TRAK2: variants seen among roughly 807,000 people sequenced by gnomAD.
TRAK2 encodes the protein trafficking kinesin protein 2.
A neutral mutation model predicts 104.6 loss-of-function variants in TRAK2; 81 were observed. That is an observed-to-expected ratio of 0.77 (90% CI 0.65 to 0.93). The LOEUF (loss-of-function observed/expected upper bound fraction) is 0.93, where lower values mean the gene tolerates loss of function less well. Among genes scored for constraint, TRAK2 ranks in the 40% least tolerant of loss-of-function variants. The pLI, the probability that TRAK2 is intolerant of heterozygous loss-of-function variation, is 0.00. For synonymous variants in TRAK2, 406 were observed against 394.4 expected (o/e 1.03, Z -0.35); for missense variants, 1,002 against 1,089.0 (o/e 0.92, Z 1.12).
intron 1 of TRAK2, among the ~76,000 whole-genome samples, chr2:201,425,714 CT>C (rs200294169): frequency 8.8e-5 from 9 of 102,144 alleles, no homozygotes; most frequent in Non-Finnish European, 1.1e-4. Flanking sequence ...GAAAGCATTG[CT>C]TTTTTTTTTT....
chr2:201,435,360 G>A (rs1177701022), intron 1 of TRAK2, among the ~76,000 whole-genome samples: 1 of 152,156 alleles, frequency 6.6e-6, no homozygotes, highest in Admixed American at 6.5e-5. Context: ...GCCTGGCCTT[G>A]ATTTATTTCT....
chr2:201,411,015 A>G, intron 2 of TRAK2: 1 of 1,374,402 alleles, frequency 7.3e-7, no homozygotes, highest in South Asian at 1.2e-5. Flanking sequence ...ATTGACATTT[A>G]GGCCATTTGT....
At chr2:201,411,024 GT>G in intron 2 of TRAK2, 1 of 1,349,638 alleles carries the variant, frequency 7.4e-7, no homozygotes, top group Admixed American at 1.7e-5. Flanking sequence ...TAGGCCATTT[GT>G]CAAATTTCTC....
intron 2 of TRAK2, chr2:201,411,090 G>T: frequency 9.0e-7 from 1 of 1,114,622 alleles, no homozygotes; most frequent in Non-Finnish European, 1.4e-6. Context: ...GGAAGGAACA[G>T]AAGTGAACGT....
chr2:201,407,060 CA>C (rs1268195931), intron 3 of TRAK2, among the ~76,000 whole-genome samples: 1 of 152,096 alleles, frequency 6.6e-6, no homozygotes, highest in Non-Finnish European at 1.5e-5. Context: ...CTTAGGATAA[CA>C]AACTACTGGG....
chr2:201,407,600 A>G lies in TRAK2; in HGVS notation c.92-3T>C. The G allele has an allele frequency of 2.5e-6, 4 of 1,610,352 alleles. No homozygotes were observed. The highest frequency in any genetic ancestry group is 8.5e-7 in the Non-Finnish European group (1 of 1,178,636). The stretch of plus-strand genomic sequence containing the variant: ...GAGATCCTCATTGGAGCAGACATCT[A>G]AAGAGGAGAGTCTATGTAAATGAAT... On this transcript the variant is annotated splice_region_variant and splice_polypyrimidine_tract_variant and intron_variant, in intron 2 of 15. Coordinates refer to ENST00000332624, the MANE Select transcript of TRAK2 (RefSeq NM_015049.3).
chr2:201,413,475 A>G (rs913980492), intron 2 of TRAK2, among the ~76,000 whole-genome samples: 2 of 152,016 alleles, frequency 1.3e-5, no homozygotes, highest in African/African-American at 4.8e-5. Context: ...TTGGGGACGA[A>G]GACTAAGGGA....
rs139464144 is a variant in TRAK2, at chr2:201,413,981, A to C, written c.92-6384T>G. 9.8e-5 allele frequency among the ~76,000 whole-genome samples: 15 copies of C among 152,352 alleles called. No homozygotes were observed. In the East Asian group the frequency reaches 2.9e-3, roughly 29 times the overall value. On this transcript the variant is annotated intron_variant, in intron 2 of 15. Coordinates refer to ENST00000332624, the MANE Select transcript of TRAK2 (RefSeq NM_015049.3). ...ATCTGACTCCTCTACTAATTGTTAGACACACGATTCATCCTTTCAGAGCCT... is the reference window on the plus strand; with the variant it reads ...ATCTGACTCCTCTACTAATTGTTAGCCACACGATTCATCCTTTCAGAGCCT...
intron 1 of TRAK2, among the ~76,000 whole-genome samples, chr2:201,439,154 T>C (rs906729587): frequency 1.3e-5 from 2 of 152,150 alleles, no homozygotes; most frequent in East Asian, 1.9e-4. Context: ...TTGTAGTCTA[T>C]AGTAGGGAGG....
chr2:201,434,163 T>C (rs1406099703), intron 1 of TRAK2, among the ~76,000 whole-genome samples: 1 of 152,078 alleles, frequency 6.6e-6, no homozygotes, highest in Non-Finnish European at 1.5e-5. Flanking sequence ...TTCACCGTGT[T>C]AGCCAGGATG....
intron 1 of TRAK2, among the ~76,000 whole-genome samples, chr2:201,427,647 T>C (rs183298870): frequency 3.4e-3 from 516 of 152,334 alleles, no homozygotes; most frequent in African/African-American, 0.011. Context: ...TGCATGTGTC[T>C]GTATAGCAGC....
Position 201,386,206 on chromosome 2 carries a change from C to G in TRAK2, c.1963+12G>C, listed in dbSNP as rs370779996. 3 of 1,613,682 alleles carry G rather than the reference C, an allele frequency of 1.9e-6. No homozygotes were observed. In the African/African-American group the frequency reaches 4.0e-5, roughly 22 times the overall value. On this transcript the variant is annotated intron_variant, in intron 14 of 15. Coordinates refer to ENST00000332624, the MANE Select transcript of TRAK2 (RefSeq NM_015049.3). ...GGTTATTATACCATATTCAACCAGA[C>G]ACTCTTCTCACCTGTAACTGGTCCA...
At chr2:201,387,617 T>C (rs1389660588) in intron 13 of TRAK2, 86 bp downstream of exon 13, 3 of 1,360,378 alleles carry the variant, frequency 2.2e-6, no homozygotes, top group Middle Eastern at 2.6e-4. Flanking sequence ...ATAATGTTCC[T>C]ATAATTAAGA....
chr2:201,399,574 GT>G, intron 4 of TRAK2, 81 bp from the exon 5 acceptor site: 1 of 1,044,206 alleles, frequency 9.6e-7, no homozygotes. Flanking sequence ...GTCAGTTTTG[GT>G]AAAATCAAAA....
At chr2:201,395,076 A>C in intron 8 of TRAK2, 1 of 610,458 alleles carries the variant, frequency 1.6e-6, no homozygotes, top group East Asian at 2.8e-5. Flanking sequence ...TGAGTCAATA[A>C]TTTACACCAC....
intron 2 of TRAK2, chr2:201,411,165 A>C (rs572123432): frequency 5.3e-4 from 399 of 755,140 alleles, no homozygotes; most frequent in Admixed American, 1.7e-3. Flanking sequence ...ATTATCCATC[A>C]ATGTGTCTGT....
chr2:201,417,241 C>CAAAAAAAAAAAAAAAAAAAAAAA (rs61702415), intron 2 of TRAK2, among the ~76,000 whole-genome samples: 14 of 88,416 alleles, frequency 1.6e-4, no homozygotes, highest in Middle Eastern at 6.7e-3. Flanking sequence ...GAAGACATTG[C>CAAAAAAAAAAAAAAAAAAAAAAA]AAAAAAAAAA....
chr2:201,436,934 C>T (rs753518112), intron 1 of TRAK2, among the ~76,000 whole-genome samples: 1 of 152,074 alleles, frequency 6.6e-6, no homozygotes, highest in Non-Finnish European at 1.5e-5. Context: ...TAGATTTATT[C>T]TAGAATTATC....
In TRAK2 at chr2:201,395,257, T is replaced by C. The variant is rs781441224; in HGVS notation, c.900+57A>G. Reference sequence around the variant, plus strand: ...TTATTGTATCTAGCACTTAGCATGGTGCAAGATACTATGTGAGTGCTTAAC... The same window carrying C: ...TTATTGTATCTAGCACTTAGCATGGCGCAAGATACTATGTGAGTGCTTAAC... On this transcript the variant is annotated intron_variant, in intron 8 of 15. Coordinates refer to ENST00000332624, the MANE Select transcript of TRAK2 (RefSeq NM_015049.3). 1.2e-5 allele frequency: 18 copies of C among 1,475,052 alleles called. No homozygotes were observed. In the East Asian group the frequency reaches 3.7e-4, roughly 30 times the overall value. The allele number at this position is 1,475,052 out of a possible 1,614,324, so 91.4% of individuals were successfully genotyped here. A position where few individuals can be genotyped will look rare whatever the true frequency, so the allele number is the denominator to read the frequency against.
Sources: gnomAD v4.1 joint callset for allele counts (sites outside exome capture counted in the v4.1 genomes callset) on GRCh38, gnomAD v4.1.1 for gene constraint, MANE v1.5 for transcripts, NCBI Gene and HGNC (gene_info 2026-07-23, HGNC 2026-07-21) for gene names.